Variants in AMZ1 observed in about 807,000 individuals in gnomAD.
AMZ1 encodes the protein archaemetzincin-1.
In AMZ1, 39 loss-of-function variants were observed where a neutral mutation model predicts 29.9. That is an observed-to-expected ratio of 1.30 (90% CI 1.01 to 1.70). AMZ1 has a LOEUF of 1.70. AMZ1 is among the 40% of genes most tolerant of loss of function. The probability of loss-of-function intolerance (pLI) is 0.00; values close to 1 mark genes in which losing one functional copy is unlikely to be tolerated. For synonymous variants in AMZ1, 458 were observed against 304.0 expected, an observed-to-expected ratio of 1.51 and a Z score of -5.27; for missense variants, 1,041 against 680.6, an observed-to-expected ratio of 1.53 and a Z score of -5.89.
At chr7:2,707,818 C>CTTTTTTTTT (rs60848680) in intron 3 of AMZ1, among the ~76,000 whole-genome samples, 2 of 95,340 alleles carry the variant, frequency 2.1e-5, no homozygotes, top group African/African-American at 9.1e-5. Flanking sequence ...CTAACGAGGG[C>CTTTTTTTTT]TTTTTTTTTT....
At chr7:2,762,488 C>A, upstream of AMZ1, 7 of 765,148 alleles carry the variant, frequency 9.1e-6, no homozygotes, top group Non-Finnish European at 1.4e-5. Context: ...TGTGCGGGGC[C>A]TGAGGTGTGA....
chr7:2,733,216 C>T (rs1789988144), intron 4 of AMZ1, among the ~76,000 whole-genome samples: 1 of 152,210 alleles, frequency 6.6e-6, no homozygotes, highest in East Asian at 1.9e-4. Flanking sequence ...CTCATGAACT[C>T]CTCTGTCTGT....
At chr7:2,736,503 C>A (rs1359896211) in intron 4 of AMZ1, among the ~76,000 whole-genome samples, 1 of 152,160 alleles carries the variant, frequency 6.6e-6, no homozygotes, top group African/African-American at 2.4e-5. Context: ...AAGGGATGAA[C>A]CTGAGCAGGG....
upstream of AMZ1, chr7:2,763,276 T>A (rs1791661072): frequency 4.2e-6 from 1 of 238,234 alleles, no homozygotes; most frequent in African/African-American, 2.4e-5. Flanking sequence ...CCCAGGCCCG[T>A]GGGAGGAGTG....
At chr7:2,726,244 G>A (rs1320135667) in intron 4 of AMZ1, among the ~76,000 whole-genome samples, 6 of 152,176 alleles carry the variant, frequency 3.9e-5, no homozygotes, top group African/African-American at 9.7e-5. Flanking sequence ...CACCATCCCC[G>A]CAATTCTCGA....
chr7:2,756,957 C>T (rs575725739), intron 4 of AMZ1, among the ~76,000 whole-genome samples: 2 of 152,054 alleles, frequency 1.3e-5, no homozygotes, highest in East Asian at 3.9e-4. Flanking sequence ...GCCTGTAGTT[C>T]CAGCTACTCA....
chr7:2,686,658 T>C (rs1342921138), upstream of AMZ1, among the ~76,000 whole-genome samples: 2 of 152,166 alleles, frequency 1.3e-5, no homozygotes, highest in Non-Finnish European at 2.9e-5. Context: ...TTGTTTTTAT[T>C]TTTCATAATT....
intron 3 of AMZ1, among the ~76,000 whole-genome samples, chr7:2,708,359 C>T (rs1369145607): frequency 6.6e-6 from 1 of 152,128 alleles, no homozygotes; most frequent in Non-Finnish European, 1.5e-5. Context: ...ACTGGGCTGT[C>T]CATGGCCTTT....
intron 3 of AMZ1, among the ~76,000 whole-genome samples, chr7:2,705,250 A>G (rs1415673858): frequency 6.6e-6 from 1 of 152,184 alleles, no homozygotes; most frequent in East Asian, 1.9e-4. Context: ...GATGGTCCCC[A>G]GGGCTCCGCA....
Position 2,712,792 on chromosome 7 carries a change from T to TTCTCCTCCCTGAGGA in AMZ1, c.1412_1426dup (p.Arg475_Arg476insIleSerSerLeuArg). 1 of 1,562,950 alleles carries TTCTCCTCCCTGAGGA rather than the reference T, an allele frequency of 6.4e-7. No homozygotes were observed. The highest frequency in any genetic ancestry group is 2.3e-5 in the East Asian group (1 of 44,338). The stretch of plus-strand genomic sequence containing the variant: ...GCTGCGCAAGGTGCTGGGGGACAAG[T>TTCTCCTCCCTGAGGA]TCTCCTCCCTGAGGAGGAAGCTGAG... On this transcript the variant is annotated inframe_insertion, in exon 7 of 7. Transcript: ENST00000683327.
At chr7:2,730,940 T>G (rs1789857504) in intron 4 of AMZ1, 1 of 508,778 alleles carries the variant, frequency 2.0e-6, no homozygotes. Context: ...ATTCACAACA[T>G]CATCACTCGG....
At chr7:2,732,193 ATTCT>A (rs1789931179) in intron 4 of AMZ1, among the ~76,000 whole-genome samples, 1 of 152,132 alleles carries the variant, frequency 6.6e-6, no homozygotes, top group Admixed American at 6.6e-5. Flanking sequence ...TTCTTAGACA[ATTCT>A]TTAAGTCTTT....
intron 1 of AMZ1, among the ~76,000 whole-genome samples, chr7:2,695,121 TC>T (rs1787631364): frequency 6.6e-6 from 1 of 152,224 alleles, no homozygotes; most frequent in Non-Finnish European, 1.5e-5. Context: ...TTGCTCAGCC[TC>T]TGGCCCCGCT....
At chr7:2,709,860 C>G (rs1426365751) in intron 6 of AMZ1, 44 bp downstream of exon 6, 4 of 1,598,342 alleles carry the variant, frequency 2.5e-6, no homozygotes, top group Admixed American at 1.7e-5. Flanking sequence ...GACCTGCGCT[C>G]CGGAGGCCCG....
downstream of AMZ1, among the ~76,000 whole-genome samples, chr7:2,722,508 T>C (rs899565657): frequency 6.6e-6 from 1 of 151,958 alleles, no homozygotes; most frequent in Non-Finnish European, 1.5e-5. Flanking sequence ...CCTGACCTCG[T>C]GATCCATCCG....
upstream of AMZ1, among the ~76,000 whole-genome samples, chr7:2,687,944 T>G (rs1787149148): frequency 1.3e-5 from 2 of 152,176 alleles, no homozygotes. Context: ...TCCTCTCACC[T>G]GGGGAGGCAC....
intron 4 of AMZ1, among the ~76,000 whole-genome samples, chr7:2,751,524 A>G (rs1021269337): frequency 1.3e-4 from 20 of 152,222 alleles, no homozygotes; most frequent in African/African-American, 4.8e-4. Context: ...AGAAAATAAC[A>G]AAGATGAGAT....
chr7:2,717,003 G>A lies in AMZ1; in HGVS notation c.*4125G>A, dbSNP rs1012718404. 1.3e-5 allele frequency among the ~76,000 whole-genome samples: 2 copies of A among 152,208 alleles called. No homozygotes were observed. Among genetic ancestry groups the A allele is most frequent in the African/African-American group, 2.4e-5 (1 of 41,464 alleles). ...AAGCAAGCTGGAGCGGTCTGAGCAGGAAGAGAGTAAGAAGGCGCACGGACG... is the reference window on the plus strand; with the variant it reads ...AAGCAAGCTGGAGCGGTCTGAGCAGAAAGAGAGTAAGAAGGCGCACGGACG... On this transcript the variant is annotated 3_prime_UTR_variant, in exon 7 of 7. Transcript: ENST00000683327.
chr7:2,731,464 T>C lies in AMZ1; in HGVS notation n.550+21648T>C, dbSNP rs1789890488. The C allele has an allele frequency of 4.3e-6, 7 of 1,613,922 alleles. No individual in the cohort carries two copies. The highest frequency in any genetic ancestry group is 5.1e-6 in the Non-Finnish European group (6 of 1,179,922). ...GTTGAGGAAGAGAATGATGGAGACG[T>C]TGAAGAAGAGCTTGTTGTTGACGAT... On this transcript the variant is annotated intron_variant and non_coding_transcript_variant, in intron 4 of 4. Transcript: ENST00000489665. This position sits in a 1 kb window ranked among gnomAD's most constrained non-coding sequence, Gnocchi z 6.0.
Sources: allele counts gnomAD v4.1 joint callset (sites outside exome capture counted in the v4.1 genomes callset), GRCh38; gene constraint gnomAD v4.1.1; non-coding constraint Gnocchi (gnomAD v3.1); transcripts MANE v1.5; gene names NCBI Gene and HGNC (gene_info 2026-07-23, HGNC 2026-07-21).